Variants in STAB1 observed in about 807,000 individuals in gnomAD.
STAB1 encodes the protein stabilin 1, also known as stabilin-1.
STAB1 carries 250 observed loss-of-function variants against 332.4 expected under a neutral mutation model. The observed-to-expected ratio is 0.75, with a 90% CI of 0.68 to 0.84. The LOEUF (loss-of-function observed/expected upper bound fraction) is 0.84, where lower values mean the gene tolerates loss of function less well. STAB1 is among the 40% of genes least tolerant of loss of function. STAB1 has a pLI of 0.00. For missense variants in STAB1, 3,249 were observed against 3,489.7 expected (o/e 0.93, Z 1.74); for synonymous variants, 1,475 against 1,390.4 (o/e 1.06, Z -1.35).
At position 52,514,969 on chromosome 3, in the gene STAB1, C is replaced by G; in HGVS notation, c.3808-20C>G. On this transcript the variant is annotated intron_variant, in intron 35 of 68. Coordinates refer to ENST00000321725, the MANE Select transcript of STAB1 (RefSeq NM_015136.3). ...GATCCAGGCCTGGACTGCCTGATGC[C>G]CCACCCTTTTTCCCTCTAGGAGAAA... is the stretch of plus-strand genomic sequence containing the variant. 1.2e-6 allele frequency: 2 copies of G among 1,613,270 alleles called. No individual in the cohort carries two copies. Among genetic ancestry groups the G allele is most frequent in the Non-Finnish European group, 1.7e-6 (2 of 1,179,894 alleles).
rs1242225263 is a variant in STAB1 at position 52,508,254 on chromosome 3, C to T, written c.2149-19C>T. The T allele has an allele frequency of 3.1e-6, 5 of 1,602,394 alleles. No homozygotes were observed. The highest frequency in any genetic ancestry group is 3.4e-6 in the Non-Finnish European group (4 of 1,171,790). ...GCATGGACCCAGATGGCCTCTTGGACCTGTTCTGTCTCTTATAGGAACAAG... is the reference window on the plus strand; with the variant it reads ...GCATGGACCCAGATGGCCTCTTGGATCTGTTCTGTCTCTTATAGGAACAAG... On this transcript the variant is annotated intron_variant, in intron 20 of 68. Transcript: ENST00000321725.
intron 57 of STAB1, 41 bp downstream of exon 57, chr3:52,521,741 TACATGTGC>T: frequency 6.2e-7 from 1 of 1,610,698 alleles, no homozygotes; most frequent in Non-Finnish European, 8.5e-7. Context: ...CACACTTGTG[TACATGTGC>T]ACACATCAGT....
At chr3:52,516,266 G>GGTGCC in intron 38 of STAB1, 28 bp downstream of exon 38, 1 of 794,430 alleles carries the variant, frequency 1.3e-6, no homozygotes, top group Non-Finnish European at 2.2e-6. Context: ...GCGGGGGTGG[G>GGTGCC]CCTCCTGGCA....
At chr3:52,499,557 C>T (rs1708279619) in intron 1 of STAB1, among the ~76,000 whole-genome samples, 1 of 152,238 alleles carries the variant, frequency 6.6e-6, no homozygotes, top group South Asian at 2.1e-4. Flanking sequence ...CCCACCACAC[C>T]TGCCCCTGCG....
In STAB1 at chr3:52,523,357, G is replaced by A; in HGVS notation, c.7140+16G>A. The A allele has an allele frequency of 6.2e-7, 1 of 1,609,344 alleles. No individual in the cohort carries two copies. The highest frequency in any genetic ancestry group is 1.1e-5 in the South Asian group (1 of 91,084). ...GGACAACATGGTAACCCCCAAGGGT[G>A]TGGGCAGAGCAGAGCCTGCATTGGC... On this transcript the variant is annotated intron_variant, in intron 64 of 68. Coordinates refer to ENST00000321725, the MANE Select transcript of STAB1 (RefSeq NM_015136.3).
Position 52,508,304 on chromosome 3 carries a change from C to T in STAB1, c.2180C>T (p.Pro727Leu), listed in dbSNP as rs777471949. ...EQGCCKGFFG[P>L]DCTQCPGGFS... ...GGCTGCTGCAAAGGTTTTTTCGGGC[C>T]TGACTGCACGCAGTGTCCTGGGGGC... Residue 727 changes from proline to leucine, a missense_variant, in exon 21 of 69, where the codon CCT (proline) becomes CTT (leucine). Coordinates refer to ENST00000321725, the MANE Select transcript of STAB1 (RefSeq NM_015136.3). 37 of 1,613,482 alleles carry T rather than the reference C, an allele frequency of 2.3e-5. No individual in the cohort carries two copies. In the South Asian group the frequency reaches 3.8e-4, roughly 17 times the overall value.
Position 52,501,160 on chromosome 3 carries a change from C to T in STAB1, c.79-6C>T. 1 of 1,611,330 alleles carries T rather than the reference C, an allele frequency of 6.2e-7. No individual in the cohort carries two copies. The highest frequency in any genetic ancestry group is 8.5e-7 in the Non-Finnish European group (1 of 1,178,276). On this transcript the variant is annotated splice_region_variant and splice_polypyrimidine_tract_variant and intron_variant, in intron 1 of 68. Coordinates refer to ENST00000321725, the MANE Select transcript of STAB1 (RefSeq NM_015136.3). ...GCCCCTGACCACACCCTGCCTGTGG[C>T]CCCAGGTGCTGTTCAAAGGCTGTGA...
Position 52,505,013 on chromosome 3 carries a change from A to G in STAB1, c.1388A>G (p.Tyr463Cys), listed in dbSNP as rs1273893597. The G allele has an allele frequency of 3.7e-6, 6 of 1,613,754 alleles. No individual in the cohort carries two copies. Among genetic ancestry groups the G allele is most frequent in the Non-Finnish European group, 5.1e-6 (6 of 1,179,966 alleles). ...CTTGTGTCTCACCAGAAATACTCCT[A>G]CAAGTACAAAGACCAGCCCCAGCAG... ...VTFNQFTKYS[Y>C]KYKDQPQQTF... The change falls in exon 13 of 69, where the codon TAC becomes TGC. Residue 463 changes from tyrosine (Y) to cysteine (C), a missense_variant. Physicochemically the swap from Tyr to Cys is radical, Grantham distance 194. Transcript: ENST00000321725.
In STAB1 at chr3:52,495,341, C is replaced by T. The variant is rs911845990; in HGVS notation, c.-73C>T. ...GCCACTGCCCGCCCCGTCCCGCCTG[C>T]CTGTGCTGTGCCTGCCTCCTAGAGC... On this transcript the variant is annotated 5_prime_UTR_variant, in exon 1 of 69. Coordinates refer to ENST00000321725, the MANE Select transcript of STAB1 (RefSeq NM_015136.3). 3.7e-5 allele frequency: 44 copies of T among 1,183,122 alleles called. No homozygotes were observed. In the African/African-American group the frequency reaches 6.3e-4, roughly 17 times the overall value. The allele number at this position is 1,183,122 out of a possible 1,614,324, so 73.3% of individuals were successfully genotyped here.
At position 52,523,227 on chromosome 3, in the gene STAB1, A is replaced by G. The variant is rs551961857; in HGVS notation, c.7026A>G (p.Leu2342=). 18 of 1,613,208 alleles carry G rather than the reference A, an allele frequency of 1.1e-5. No homozygotes were observed. Among genetic ancestry groups the G allele is most frequent in the African/African-American group, 9.3e-5 (7 of 75,044 alleles). Reference sequence around the variant, plus strand: ...CTGTCTTTCCACCGTGCCAGATGCTATTGGGCTATGCCAATGCCACCCAGC... The same window carrying G: ...CTGTCTTTCCACCGTGCCAGATGCTGTTGGGCTATGCCAATGCCACCCAGC... ...TANFSTFYGM[L]LGYANATQRG... The change falls in exon 64 of 69, where the codon CTA becomes CTG. Residue 2342 remains leucine (L), a synonymous_variant. Transcript: ENST00000321725.
intron 13 of STAB1, 39 bp from the exon 14 acceptor site, chr3:52,505,280 C>T (rs757019505): frequency 6.2e-7 from 1 of 1,611,750 alleles, no homozygotes; most frequent in South Asian, 1.1e-5. Flanking sequence ...AGCAGCCTCA[C>T]CCCTTCCCTG....
In STAB1 at chr3:52,512,918, G is replaced by A; in HGVS notation, c.3118G>A (p.Ala1040Thr). The change falls in exon 29 of 69, where the codon GCT (alanine) becomes ACT (threonine). Residue 1040 changes from alanine (A) to threonine (T), a missense_variant. Ala to Thr is a moderately conservative substitution (Grantham distance 58). Transcript: ENST00000321725. ...CCGTCAGCTGAGCCCCGAGGACCGA[G>A]CTTTCTGGCTGCAGCCAAGGACGCT... The part of the protein sequence containing the change: ...AVRQLSPEDR[A>T]FWLQPRTLPN... The A allele has an allele frequency of 6.2e-7, 1 of 1,611,996 alleles. No homozygotes were observed. The highest frequency in any genetic ancestry group is 8.5e-7 in the Non-Finnish European group (1 of 1,179,778).
At position 52,520,940 on chromosome 3, in the gene STAB1, G is replaced by A. The variant is rs1264595619; in HGVS notation, c.5843G>A (p.Arg1948His). ...CAAGGCCTGGGCAGGGGCTGCCACC[G>A]CAATTGTGTCACCACCACCTGGAAG... is the stretch of plus-strand genomic sequence containing the variant. ...RPQGLGRGCH[R>H]NCVTTTWKPS... Residue 1948 changes from arginine (R) to histidine (H), a missense_variant, in exon 55 of 69, where the codon CGC (arginine) becomes CAC (histidine). Arg to His is a conservative substitution (Grantham distance 29). Coordinates refer to ENST00000321725, the MANE Select transcript of STAB1 (RefSeq NM_015136.3). The A allele has an allele frequency of 2.8e-5, 44 of 1,588,804 alleles. No homozygotes were observed. Among genetic ancestry groups the A allele is most frequent in the South Asian group, 9.1e-5 (8 of 87,564 alleles).
chr3:52,496,173 TGCTG>T (rs1708008958), intron 1 of STAB1, among the ~76,000 whole-genome samples: 4 of 152,186 alleles, frequency 2.6e-5, no homozygotes. Flanking sequence ...CATCCGTGTG[TGCTG>T]GCGAGCAGAC....
intron 1 of STAB1, 95 bp from the exon 2 acceptor site, chr3:52,501,071 C>A (rs1708408720): frequency 1.3e-6 from 2 of 1,508,200 alleles, no homozygotes; most frequent in Admixed American, 1.8e-5. Flanking sequence ...TGGGAAGTGG[C>A]AGCTGGAGGG....
intron 1 of STAB1, among the ~76,000 whole-genome samples, chr3:52,497,190 A>G (rs1053898678): frequency 2.6e-5 from 4 of 151,806 alleles, no homozygotes; most frequent in Non-Finnish European, 4.4e-5. Context: ...TAGTTTCACC[A>G]TGTTGACCAG....
At chr3:52,505,613 C>G in intron 14 of STAB1, 55 bp from the exon 15 acceptor site, 1 of 1,569,738 alleles carries the variant, frequency 6.4e-7, no homozygotes, top group East Asian at 2.3e-5. Flanking sequence ...CCAGGCAGGA[C>G]TCAGAGGTGG....
In STAB1 at chr3:52,524,121, G is replaced by GACTT; in HGVS notation, c.7565_7568dup (p.Phe2523LeufsTer28). Reference sequence around the variant, plus strand: ...CCAGGCGGAAGATGATGCTGATGACGACTTCTCACCGTGGCAAGAAGGGAC... The same window carrying GACTT: ...CCAGGCGGAAGATGATGCTGATGACGACTTACTTCTCACCGTGGCAAGAAGGGAC... On this transcript the variant is annotated frameshift_variant, in exon 68 of 69. Transcript: ENST00000321725. LOFTEE classifies it high-confidence loss of function. 6.2e-7 allele frequency: 1 copy of GACTT among 1,613,774 alleles called. No homozygotes were observed. The highest frequency in any genetic ancestry group is 1.6e-4 in the Middle Eastern group (1 of 6,062).
At position 52,512,408 on chromosome 3, in the gene STAB1, G is replaced by T. The variant is rs958650196; in HGVS notation, c.2951G>T (p.Gly984Val). ...TGCCCCCCTGGCTTTGGGGGTGATG[G>T]CTTCAGCTGTTATGGAGACATCTTC... ...CTCPPGFGGD[G>V]FSCYGDIFRE... is the part of the protein sequence containing the mutation. The change falls in exon 27 of 69, where the codon GGC (glycine) becomes GTC (valine). Residue 984 changes from glycine to valine, a missense_variant. Coordinates refer to ENST00000321725, the MANE Select transcript of STAB1 (RefSeq NM_015136.3). 2 of 1,610,198 alleles carry T rather than the reference G, an allele frequency of 1.2e-6. No homozygotes were observed. Among genetic ancestry groups the T allele is most frequent in the Non-Finnish European group, 1.7e-6 (2 of 1,178,824 alleles).
Sources: allele counts gnomAD v4.1 joint callset (sites outside exome capture counted in the v4.1 genomes callset), GRCh38; gene constraint gnomAD v4.1.1; transcripts MANE v1.5; gene names NCBI Gene and HGNC (gene_info 2026-07-23, HGNC 2026-07-21).